Variants in ING4 observed in about 807,000 individuals in gnomAD.
ING4 encodes the protein inhibitor of growth family member 4.
ING4 carries 28 observed loss-of-function variants against 33.1 expected under a neutral mutation model. The observed-to-expected ratio is 0.85, with a 90% CI of 0.63 to 1.16. The LOEUF is 1.16. Ranked by LOEUF, ING4 falls within the 50% of genes most tolerant of loss-of-function variation. The pLI is 0.00. For missense variants in ING4, 247 were observed against 314.7 expected, an observed-to-expected ratio of 0.78 and a Z score of 1.63; for synonymous variants, 87 against 104.4, an observed-to-expected ratio of 0.83 and a Z score of 1.02.
At position 6,652,216 on chromosome 12, in the gene ING4, C is replaced by T. The variant is rs191547692; in HGVS notation, c.645+55G>A. 4.3e-5 allele frequency: 68 copies of T among 1,582,666 alleles called. No individual in the cohort carries two copies. The African/African-American group carries it at 5.8e-4, about 13-fold the overall frequency. Reference sequence around the variant, plus strand: ...CAACTGTGGGATTTTCCCTCTTGTACCCACTCCCTTCATGCCCCTCACAAC... The same window carrying T: ...CAACTGTGGGATTTTCCCTCTTGTATCCACTCCCTTCATGCCCCTCACAAC... On this transcript the variant is annotated intron_variant, in intron 6 of 7. Transcript: ENST00000341550.
chr12:6,652,541 AATG>A (rs904096367), intron 5 of ING4, 118 bp downstream of exon 5: 2 of 1,376,770 alleles, frequency 1.5e-6, no homozygotes, highest in African/African-American at 1.4e-5. Flanking sequence ...CAGATACCAA[AATG>A]ATAAGAAGAG....
chr12:6,653,537 G>A, intron 2 of ING4, 141 bp from the exon 3 acceptor site: 3 of 795,582 alleles, frequency 3.8e-6, no homozygotes, highest in South Asian at 3.8e-5. Context: ...GAGGTACTGT[G>A]CCATGCACTC....
chr12:6,654,415 GC>G (rs1172824856), intron 2 of ING4, among the ~76,000 whole-genome samples: 1 of 151,094 alleles, frequency 6.6e-6, no homozygotes, highest in Non-Finnish European at 1.5e-5. Flanking sequence ...TCACACTGCA[GC>G]CTCAACCTCT....
chr12:6,661,652 C>G (rs1419672262), intron 1 of ING4, among the ~76,000 whole-genome samples: 1 of 151,488 alleles, frequency 6.6e-6, no homozygotes, highest in Non-Finnish European at 1.5e-5. Flanking sequence ...TCTCAAACTC[C>G]TGACCTCAAG....
intron 1 of ING4, among the ~76,000 whole-genome samples, chr12:6,661,588 ATT>A (rs77742335): frequency 2.8e-5 from 4 of 140,754 alleles, no homozygotes; most frequent in African/African-American, 2.6e-5. Flanking sequence ...TGCCCAGCTA[ATT>A]TTTTTTTTTT....
chr12:6,660,070 G>A (rs1049508348), intron 1 of ING4, among the ~76,000 whole-genome samples: 1 of 152,182 alleles, frequency 6.6e-6, no homozygotes, highest in Non-Finnish European at 1.5e-5. Flanking sequence ...GACTTGCAAA[G>A]AGCAGGTACT....
intron 2 of ING4, among the ~76,000 whole-genome samples, chr12:6,655,176 T>C (rs747827789): frequency 1.6e-4 from 25 of 152,194 alleles, no homozygotes; most frequent in Non-Finnish European, 2.6e-4. Flanking sequence ...CCTGAGTAGC[T>C]GGGATTACTG....
rs1472022444 is a variant in ING4 at position 6,653,253 on chromosome 12, G to A, written c.253C>T (p.Leu85Phe). 6.2e-7 allele frequency: 1 copy of A among 1,614,052 alleles called. No individual in the cohort carries two copies. Among genetic ancestry groups the A allele is most frequent in the Non-Finnish European group, 8.5e-7 (1 of 1,180,040 alleles). Residue 85 changes from leucine (L) to phenylalanine (F), a missense_variant, in exon 3 of 8, where the codon CTT becomes TTT. Coordinates refer to ENST00000341550, the MANE Select transcript of ING4 (RefSeq NM_016162.4). ...ACCATCTCATAGGTCTGCATGGCAA[G>A]CTGCACCTTGTCGTCACCAAATTCC... ...CKEFGDDKVQ[L>F]AMQTYEMVDK...
chr12:6,660,850 CTT>C (rs1300121932), intron 1 of ING4, among the ~76,000 whole-genome samples: 3 of 152,140 alleles, frequency 2.0e-5, no homozygotes, highest in Non-Finnish European at 2.9e-5. Flanking sequence ...TAGTGTCGCT[CTT>C]GTCGCCCAGG....
At chr12:6,659,270 T>A (rs1304108148) in intron 1 of ING4, among the ~76,000 whole-genome samples, 1 of 151,956 alleles carries the variant, frequency 6.6e-6, no homozygotes, top group Admixed American at 6.6e-5. Flanking sequence ...AATACAAAAA[T>A]TAGGGCCAGG....
At chr12:6,655,892 C>A (rs1371522540) in intron 2 of ING4, 1 of 456,316 alleles carries the variant, frequency 2.2e-6, no homozygotes, top group East Asian at 6.9e-5. Context: ...ATGTTCCAGG[C>A]TGGAGATGGT....
chr12:6,661,790 A>G (rs1360834396), intron 1 of ING4, among the ~76,000 whole-genome samples: 8 of 152,106 alleles, frequency 5.3e-5, no homozygotes, highest in African/African-American at 1.4e-4. Context: ...TCAACCACTC[A>G]GTCATTCAGT....
intron 2 of ING4, chr12:6,655,574 T>A: frequency 9.1e-7 from 1 of 1,095,420 alleles, no homozygotes; most frequent in Non-Finnish European, 1.1e-6. Context: ...AATCTCCAAC[T>A]GTCTTTCCAT....
At chr12:6,661,562 C>T (rs1949553455) in intron 1 of ING4, among the ~76,000 whole-genome samples, 1 of 151,730 alleles carries the variant, frequency 6.6e-6, no homozygotes, top group South Asian at 2.1e-4. Flanking sequence ...GCTGGGATTA[C>T]AGTCACATGC....
At chr12:6,654,331 C>CTT (rs1238643921) in intron 2 of ING4, among the ~76,000 whole-genome samples, 28 of 138,990 alleles carry the variant, frequency 2.0e-4, no homozygotes, top group African/African-American at 5.6e-4. Context: ...CTCTATTTTT[C>CTT]TTTTTTTTTT....
intron 1 of ING4, among the ~76,000 whole-genome samples, chr12:6,660,287 C>T (rs1949507388): frequency 6.6e-6 from 1 of 151,878 alleles, no homozygotes; most frequent in African/African-American, 2.4e-5. Context: ...TGGCCAGATC[C>T]TGTCTCTATA....
chr12:6,656,648 A>G (rs906945876), intron 2 of ING4, 79 bp downstream of exon 2: 2 of 814,624 alleles, frequency 2.5e-6, no homozygotes, highest in Middle Eastern at 2.3e-4. Flanking sequence ...ATCATACCAG[A>G]TGATACGGTA....
chr12:6,655,528 G>A lies in ING4; in HGVS notation c.109+1199C>T, dbSNP rs1949326762. 9 of 872,536 alleles carry A rather than the reference G, an allele frequency of 1.0e-5. No homozygotes were observed. The South Asian group carries it at 2.7e-4, about 27-fold the overall frequency. The allele number at this position is 872,536 out of a possible 1,614,324, so 54.0% of individuals were successfully genotyped here. ...CTGTTTATACTCCACTTCATTCCAGGCTCTTGGAAGAAGCTGAAAAAGCAT... is the reference window on the plus strand; with the variant it reads ...CTGTTTATACTCCACTTCATTCCAGACTCTTGGAAGAAGCTGAAAAAGCAT... On this transcript the variant is annotated intron_variant, in intron 2 of 7. Coordinates refer to ENST00000341550, the MANE Select transcript of ING4 (RefSeq NM_016162.4).
At chr12:6,656,656 G>T in intron 2 of ING4, 71 bp downstream of exon 2, 1 of 863,540 alleles carries the variant, frequency 1.2e-6, no homozygotes, top group Non-Finnish European at 1.9e-6. Context: ...AGATGATACG[G>T]TAACATCAAG....
Sources: allele counts gnomAD v4.1 joint callset (sites outside exome capture counted in the v4.1 genomes callset), GRCh38; gene constraint gnomAD v4.1.1; transcripts MANE v1.5; gene names NCBI Gene and HGNC (gene_info 2026-07-23, HGNC 2026-07-21).